ST3GAL3: variants seen among roughly 807,000 people sequenced by gnomAD.
ST3GAL3 encodes the protein ST3 beta-galactoside alpha-2,3-sialyltransferase 3, also known as CMP-N-acetylneuraminate-beta-1,4-galactoside alpha-2,3-sialyltransferase.
A neutral mutation model predicts 50.1 loss-of-function variants in ST3GAL3; 21 were observed. That is an observed-to-expected ratio of 0.42 (90% CI 0.30 to 0.60). The LOEUF (loss-of-function observed/expected upper bound fraction) is 0.60, where lower values mean the gene tolerates loss of function less well. Ranked by LOEUF, ST3GAL3 falls within the 20% of genes least tolerant of loss-of-function variation. ST3GAL3 has a pLI of 0.19. For missense variants in ST3GAL3, 353 were observed against 489.4 expected, an observed-to-expected ratio of 0.72 and a Z score of 2.63; for synonymous variants, 183 against 190.0, an observed-to-expected ratio of 0.96 and a Z score of 0.30.
intron 2 of ST3GAL3, among the ~76,000 whole-genome samples, chr1:43,772,994 G>A (rs1419065335): frequency 1.3e-5 from 2 of 152,108 alleles, no homozygotes; most frequent in Admixed American, 6.6e-5. Flanking sequence ...TGATCTGCCC[G>A]CCTTGGCCTC....
intron 4 of ST3GAL3, among the ~76,000 whole-genome samples, chr1:43,819,871 T>C (rs1280600130): frequency 6.6e-6 from 1 of 152,248 alleles, no homozygotes; most frequent in Non-Finnish European, 1.5e-5. Context: ...ACATGTGATA[T>C]TTCGTTTTCT....
At chr1:43,817,455 CTTCT>C (rs2061416695) in intron 4 of ST3GAL3, among the ~76,000 whole-genome samples, 1 of 140,734 alleles carries the variant, frequency 7.1e-6, no homozygotes, top group South Asian at 2.5e-4. Context: ...CTTCTTCTTT[CTTCT>C]TTCTTCTTCT....
At chr1:43,774,262 T>C (rs887039509) in intron 2 of ST3GAL3, among the ~76,000 whole-genome samples, 16 of 152,350 alleles carry the variant, frequency 1.1e-4, no homozygotes, top group African/African-American at 3.8e-4. Flanking sequence ...CAGTTCTAAC[T>C]TGGTTTTTTC....
At chr1:43,886,368 C>T (rs533518919) in intron 5 of ST3GAL3, among the ~76,000 whole-genome samples, 87 of 152,144 alleles carry the variant, frequency 5.7e-4, no homozygotes, top group African/African-American at 2.0e-3. Flanking sequence ...GGCAACAGAG[C>T]GAGACTCTGT....
chr1:43,759,309 T>C (rs1689410858), intron 2 of ST3GAL3, among the ~76,000 whole-genome samples: 1 of 152,128 alleles, frequency 6.6e-6, no homozygotes, highest in South Asian at 2.1e-4. Flanking sequence ...CTGGGCGTGG[T>C]GGCATGTGCC....
At chr1:43,917,605 A>AT (rs1553136434) in intron 9 of ST3GAL3, among the ~76,000 whole-genome samples, 741 of 70,744 alleles carry the variant, frequency 0.01, 20 homozygotes, top group African/African-American at 0.044. Context: ...TATATATATT[A>AT]TATATTATAT....
chr1:43,708,797 C>T (rs1295963514), intron 1 of ST3GAL3, among the ~76,000 whole-genome samples: 9 of 152,106 alleles, frequency 5.9e-5, no homozygotes, highest in Admixed American at 3.3e-4. Context: ...AAAATGTTAA[C>T]GATGAAACAA....
chr1:43,743,431 G>C, intron 2 of ST3GAL3: 1 of 345,012 alleles, frequency 2.9e-6, no homozygotes, highest in South Asian at 2.5e-5. Context: ...GGTGTTCCCT[G>C]TGGCCCATGA....
At chr1:43,792,061 T>C (rs776208045) in intron 2 of ST3GAL3, 41 bp from the exon 3 acceptor site, 8 of 1,613,706 alleles carry the variant, frequency 5.0e-6, no homozygotes, top group Non-Finnish European at 6.8e-6. Flanking sequence ...TTTTTTATTA[T>C]AAGAAGGAGA....
chr1:43,917,466 A>AATATAATATATAAT (rs2082024263), intron 9 of ST3GAL3, among the ~76,000 whole-genome samples: 2 of 90,534 alleles, frequency 2.2e-5, no homozygotes, highest in African/African-American at 8.7e-5. Flanking sequence ...TAATATATAT[A>AATATAATATATAAT]ATATATAATA....
At chr1:43,781,120 G>C (rs1452731101) in intron 2 of ST3GAL3, among the ~76,000 whole-genome samples, 1 of 152,106 alleles carries the variant, frequency 6.6e-6, no homozygotes, top group Non-Finnish European at 1.5e-5. Flanking sequence ...ACTTCCACTT[G>C]TCTACTTGGT....
At chr1:43,781,608 C>CAAA (rs34427804) in intron 2 of ST3GAL3, among the ~76,000 whole-genome samples, 2 of 123,814 alleles carry the variant, frequency 1.6e-5, no homozygotes, top group African/African-American at 3.0e-5. Flanking sequence ...AAGACTGTCT[C>CAAA]AAAAAAAAAA....
intron 9 of ST3GAL3, among the ~76,000 whole-genome samples, chr1:43,901,934 C>G (rs747990428): frequency 6.6e-6 from 1 of 152,200 alleles, no homozygotes; most frequent in Non-Finnish European, 1.5e-5. Context: ...CGGGGTTGCC[C>G]GTGGCCTCAC....
At chr1:43,908,902 A>G (rs201829202) in intron 9 of ST3GAL3, among the ~76,000 whole-genome samples, 1 of 151,946 alleles carries the variant, frequency 6.6e-6, no homozygotes, top group Non-Finnish European at 1.5e-5. Flanking sequence ...AAAGTGCTGG[A>G]ATTACAGGTG....
At chr1:43,742,921 A>T (rs1010835631) in intron 2 of ST3GAL3, among the ~76,000 whole-genome samples, 5 of 152,118 alleles carry the variant, frequency 3.3e-5, no homozygotes, top group Admixed American at 6.6e-5. Flanking sequence ...AACATGGTGA[A>T]ACCCTGTCTC....
intron 5 of ST3GAL3, among the ~76,000 whole-genome samples, chr1:43,861,750 C>T (rs374428456): frequency 1.3e-5 from 2 of 152,288 alleles, no homozygotes; most frequent in South Asian, 2.1e-4. Flanking sequence ...CTGCTTTGGC[C>T]GGGCACAGTG....
chr1:43,765,649 G>A (rs1335130927), intron 2 of ST3GAL3, among the ~76,000 whole-genome samples: 1 of 152,072 alleles, frequency 6.6e-6, no homozygotes, highest in Non-Finnish European at 1.5e-5. Context: ...CAGAGAGAAG[G>A]AAAAGAAGGG....
intron 1 of ST3GAL3, among the ~76,000 whole-genome samples, chr1:43,714,004 A>G (rs1020772997): frequency 6.6e-6 from 1 of 152,124 alleles, no homozygotes; most frequent in Non-Finnish European, 1.5e-5. Context: ...TAGCTCATAC[A>G]TGTGATCCCA....
chr1:43,888,506 C>T (rs1289151114), intron 5 of ST3GAL3, among the ~76,000 whole-genome samples: 1 of 151,238 alleles, frequency 6.6e-6, no homozygotes, highest in African/African-American at 2.4e-5. Context: ...AACAAACAAA[C>T]AAGGGGAAAT....
Sources: gnomAD v4.1 joint callset for allele counts (sites outside exome capture counted in the v4.1 genomes callset) on GRCh38, gnomAD v4.1.1 for gene constraint, MANE v1.5 for transcripts, NCBI Gene and HGNC (gene_info 2026-07-23, HGNC 2026-07-21) for gene names.